JAKMIP2: variants seen among roughly 807,000 people sequenced by gnomAD.
JAKMIP2 encodes janus kinase and microtubule interacting protein 2.
In JAKMIP2, 25 loss-of-function variants were observed where a neutral mutation model predicts 115.0. The ratio of observed to expected loss-of-function variants is 0.22; its 90% CI spans 0.16 to 0.30. The LOEUF (loss-of-function observed/expected upper bound fraction) is 0.30. JAKMIP2 is among the 10% of genes least tolerant of loss of function. The pLI, the probability that JAKMIP2 is intolerant of heterozygous loss-of-function variation, is 1.00. For missense variants in JAKMIP2, 642 were observed against 957.6 expected, an observed-to-expected ratio of 0.67 and a Z score of 4.35; for synonymous variants, 334 against 343.6, an observed-to-expected ratio of 0.97 and a Z score of 0.31.
intron 1 of JAKMIP2, among the ~76,000 whole-genome samples, chr5:147,731,996 C>G (rs1753751336): frequency 6.6e-6 from 1 of 152,168 alleles, no homozygotes; most frequent in African/African-American, 2.4e-5. Context: ...GTGTGTTGTG[C>G]ATACAAAACA....
intron 1 of JAKMIP2, among the ~76,000 whole-genome samples, chr5:147,755,564 A>C (rs1754715727): frequency 6.6e-6 from 1 of 152,212 alleles, no homozygotes; most frequent in Non-Finnish European, 1.5e-5. Context: ...GTTTAATTTG[A>C]TGTTAGGCAC....
At chr5:147,616,101 A>C (rs1345993322) in intron 19 of JAKMIP2, among the ~76,000 whole-genome samples, 1 of 152,132 alleles carries the variant, frequency 6.6e-6, no homozygotes, top group Non-Finnish European at 1.5e-5. Flanking sequence ...AGATGGGGAG[A>C]GAGAAGAGAA....
At chr5:147,746,156 A>C (rs79740546) in intron 1 of JAKMIP2, among the ~76,000 whole-genome samples, 1 of 152,196 alleles carries the variant, frequency 6.6e-6, no homozygotes, top group Non-Finnish European at 1.5e-5. Context: ...GGACTTTTGC[A>C]TGCATCAGAC....
chr5:147,616,729 T>C (rs1756600715), intron 19 of JAKMIP2, among the ~76,000 whole-genome samples: 1 of 152,212 alleles, frequency 6.6e-6, no homozygotes, highest in Admixed American at 6.5e-5. Flanking sequence ...ACTTTTGTGA[T>C]GGAATCTGAA....
intron 1 of JAKMIP2, among the ~76,000 whole-genome samples, chr5:147,710,546 G>A (rs144330735): frequency 6.6e-6 from 1 of 152,178 alleles, no homozygotes; most frequent in East Asian, 1.9e-4. Flanking sequence ...TAACTCCTTA[G>A]GCTCCATTTC....
chr5:147,669,787 G>A (rs966078311), intron 2 of JAKMIP2, among the ~76,000 whole-genome samples: 3 of 152,210 alleles, frequency 2.0e-5, no homozygotes, highest in Admixed American at 2.0e-4. Flanking sequence ...AAGGCTGGAA[G>A]TCATCTGCAT....
intron 10 of JAKMIP2, among the ~76,000 whole-genome samples, chr5:147,639,014 T>C (rs1757754356): frequency 6.6e-6 from 1 of 152,208 alleles, no homozygotes; most frequent in South Asian, 2.1e-4. Flanking sequence ...CTATCTTTTC[T>C]TTTTGTTGAA....
rs1055601021 is a variant in JAKMIP2 at position 147,729,422 on chromosome 5, G to T, written c.-149+53034C>A. On this transcript the variant is annotated intron_variant, in intron 1 of 21. Transcript: ENST00000616793. ...GGACAGAAAAATCACTAAGCCTTATGTCTCTAAACCATTATAATTTCAAAA... is the reference window on the plus strand; with the variant it reads ...GGACAGAAAAATCACTAAGCCTTATTTCTCTAAACCATTATAATTTCAAAA... 2.0e-5 allele frequency among the ~76,000 whole-genome samples: 3 copies of T among 152,138 alleles called. No individual in the cohort carries two copies. The South Asian group carries it at 6.2e-4, about 31-fold the overall frequency.
intron 1 of JAKMIP2, among the ~76,000 whole-genome samples, chr5:147,768,735 A>G (rs1755240683): frequency 6.6e-6 from 1 of 152,174 alleles, no homozygotes; most frequent in African/African-American, 2.4e-5. Flanking sequence ...TACTTCCCCA[A>G]TAAAGAACAA....
At position 147,612,554 on chromosome 5, in the gene JAKMIP2, G is replaced by T. The variant is rs894345278; in HGVS notation, c.2347-183C>A. 2.6e-5 allele frequency among the ~76,000 whole-genome samples: 4 copies of T among 152,154 alleles called. 1 individual carries two copies. Among genetic ancestry groups the T allele is most frequent in the African/African-American group, 9.7e-5 (4 of 41,440 alleles). On this transcript the variant is annotated intron_variant, in intron 19 of 21. Transcript: ENST00000616793. ...GTTGCATGTTTCAGAAATTATCTAT[G>T]TTTGTGGTAGAAAATCATTGCTACT...
At chr5:147,696,490 A>G (rs1046187744) in intron 1 of JAKMIP2, among the ~76,000 whole-genome samples, 3 of 152,260 alleles carry the variant, frequency 2.0e-5, no homozygotes, top group Admixed American at 2.0e-4. Flanking sequence ...GTCATGCAGA[A>G]CTGTGAGTCA....
intron 1 of JAKMIP2, among the ~76,000 whole-genome samples, chr5:147,741,675 A>C (rs777851204): frequency 1.3e-5 from 2 of 152,260 alleles, no homozygotes; most frequent in South Asian, 2.1e-4. Context: ...CTAAGGGAAA[A>C]ATTTTCCTTC....
chr5:147,600,819 T>A lies in JAKMIP2; in HGVS notation c.*20+922A>T, dbSNP rs530626444. On this transcript the variant is annotated intron_variant, in intron 21 of 21. Coordinates refer to ENST00000616793, the MANE Select transcript of JAKMIP2 (RefSeq NM_001270941.2). ...GAATCACTAAGATTATTTATGCATG[T>A]ATTCATGAGACATGGACTTAATAAT... is the stretch of plus-strand genomic sequence containing the variant. 2.0e-5 allele frequency among the ~76,000 whole-genome samples: 3 copies of A among 152,174 alleles called. No individual in the cohort carries two copies. In the South Asian group the frequency reaches 6.2e-4, roughly 32 times the overall value.
chr5:147,646,468 G>GA (rs1758133404), intron 5 of JAKMIP2, among the ~76,000 whole-genome samples: 1 of 151,948 alleles, frequency 6.6e-6, no homozygotes, highest in Non-Finnish European at 1.5e-5. Context: ...ACAATTCACA[G>GA]AAAATGCAGA....
At chr5:147,741,433 TA>T (rs1362456167) in intron 1 of JAKMIP2, among the ~76,000 whole-genome samples, 6 of 152,056 alleles carry the variant, frequency 3.9e-5, no homozygotes, top group Non-Finnish European at 7.4e-5. Context: ...TATATACATA[TA>T]AAATGAATAT....
chr5:147,661,110 T>C lies in JAKMIP2; in HGVS notation c.465A>G (p.Glu155=), dbSNP rs1355019171. 6.2e-7 allele frequency: 1 copy of C among 1,613,956 alleles called. No individual in the cohort carries two copies. The highest frequency in any genetic ancestry group is 8.5e-7 in the Non-Finnish European group (1 of 1,179,994). Residue 155 remains glutamate, a synonymous_variant, in exon 3 of 22, where the codon GAA becomes GAG. Coordinates refer to ENST00000616793, the MANE Select transcript of JAKMIP2 (RefSeq NM_001270941.2). The part of the protein sequence containing the change: ...FDTERLKLLQ[E]IADLKTAKKQ... The stretch of plus-strand genomic sequence containing the variant: ...TCTTGGCCGTTTTCAGGTCCGCAAT[T>C]TCCTGTAAGAGCTTAAGGCGCTCTG...
intron 1 of JAKMIP2, among the ~76,000 whole-genome samples, chr5:147,708,504 A>G (rs975904960): frequency 6.6e-6 from 1 of 152,202 alleles, no homozygotes; most frequent in Admixed American, 6.5e-5. Flanking sequence ...AATTATAATT[A>G]CCAACACTTA....
In JAKMIP2 at chr5:147,689,485, G is replaced by A. The variant is rs571159546; in HGVS notation, c.-148-17531C>T. 3.3e-5 allele frequency among the ~76,000 whole-genome samples: 5 copies of A among 152,292 alleles called. No individual in the cohort carries two copies. In the South Asian group the frequency reaches 1.0e-3, roughly 32 times the overall value. ...CCAGCTTGGAGATGGTAGCGGCTTAGAGAGTGGAAGCAAGGGAGGTGGTGA... is the reference window on the plus strand; with the variant it reads ...CCAGCTTGGAGATGGTAGCGGCTTAAAGAGTGGAAGCAAGGGAGGTGGTGA... On this transcript the variant is annotated intron_variant, in intron 1 of 21. Transcript: ENST00000616793.
chr5:147,634,495 T>C (rs536526706), intron 12 of JAKMIP2, among the ~76,000 whole-genome samples: 1 of 152,304 alleles, frequency 6.6e-6, no homozygotes, highest in South Asian at 2.1e-4. Context: ...TAACTTAACA[T>C]TATAAAGGAG....
Sources: allele counts gnomAD v4.1 joint callset (sites outside exome capture counted in the v4.1 genomes callset), GRCh38; gene constraint gnomAD v4.1.1; transcripts MANE v1.5; gene names NCBI Gene and HGNC (gene_info 2026-07-23, HGNC 2026-07-21).